Variants in SYNDIG1 observed in about 807,000 individuals in gnomAD.
SYNDIG1 encodes synapse differentiation-inducing gene protein 1.
In SYNDIG1, 9 loss-of-function variants were observed where a neutral mutation model predicts 19.4. The observed-to-expected ratio is 0.46, with a 90% CI of 0.28 to 0.81. The LOEUF (loss-of-function observed/expected upper bound fraction) is 0.81, where lower values mean the gene tolerates loss of function less well. Ranked by LOEUF, SYNDIG1 falls within the 30% of genes least tolerant of loss-of-function variation. The probability of loss-of-function intolerance (pLI) is 0.12; values close to 1 mark genes in which losing one functional copy is unlikely to be tolerated. For synonymous variants in SYNDIG1, 141 were observed against 145.9 expected (o/e 0.97, Z 0.24); for missense variants, 311 against 343.3 (o/e 0.91, Z 0.74).
intron 1 of SYNDIG1, among the ~76,000 whole-genome samples, chr20:24,510,576 A>T (rs2056719521): frequency 6.6e-6 from 1 of 151,926 alleles, no homozygotes; most frequent in African/African-American, 2.4e-5. Context: ...TCTCAAAAAA[A>T]AAAAAAAAAG....
chr20:24,633,367 G>A (rs1462934677), intron 3 of SYNDIG1, among the ~76,000 whole-genome samples: 1 of 152,218 alleles, frequency 6.6e-6, no homozygotes, highest in Non-Finnish European at 1.5e-5. Context: ...TGGAGTGCGT[G>A]ATGCCCCTGC....
intron 1 of SYNDIG1, among the ~76,000 whole-genome samples, chr20:24,515,509 T>G (rs2146496496): frequency 6.6e-6 from 1 of 152,138 alleles, no homozygotes; most frequent in Non-Finnish European, 1.5e-5. Flanking sequence ...ACAAAATCAA[T>G]GTGCAAAAAT....
intron 2 of SYNDIG1, 97 bp from the exon 3 acceptor site, chr20:24,584,759 T>G: frequency 6.4e-7 from 1 of 1,561,412 alleles, no homozygotes; most frequent in Non-Finnish European, 8.7e-7. Flanking sequence ...GGGGAGGGCC[T>G]GCGCCAGCCA....
intron 1 of SYNDIG1, among the ~76,000 whole-genome samples, chr20:24,529,269 T>C (rs1404174095): frequency 1.3e-5 from 2 of 152,154 alleles, no homozygotes; most frequent in African/African-American, 4.8e-5. Flanking sequence ...ATGGTACTGG[T>C]GACATTACTT....
chr20:24,620,340 A>C (rs562778278), intron 3 of SYNDIG1, among the ~76,000 whole-genome samples: 1 of 152,258 alleles, frequency 6.6e-6, no homozygotes, highest in South Asian at 2.1e-4. Context: ...GGAAGACCCA[A>C]GGCTGGGGGG....
chr20:24,592,106 A>G (rs1383347703), intron 3 of SYNDIG1, among the ~76,000 whole-genome samples: 1 of 152,188 alleles, frequency 6.6e-6, no homozygotes, highest in Non-Finnish European at 1.5e-5. Flanking sequence ...TACTAAAGGT[A>G]TTTATTATTT....
At chr20:24,558,084 G>T (rs2057862757) in intron 2 of SYNDIG1, among the ~76,000 whole-genome samples, 1 of 152,220 alleles carries the variant, frequency 6.6e-6, no homozygotes, top group African/African-American at 2.4e-5. Context: ...GGACAAGGAA[G>T]CAATCGTGAT....
intron 1 of SYNDIG1, among the ~76,000 whole-genome samples, chr20:24,505,275 C>T (rs998204000): frequency 7.2e-5 from 11 of 152,244 alleles, no homozygotes; most frequent in Admixed American, 7.2e-4. Flanking sequence ...GGGTGCGCAG[C>T]CAGGGGAGCC....
At chr20:24,587,742 A>G (rs2058441029) in intron 3 of SYNDIG1, among the ~76,000 whole-genome samples, 1 of 152,188 alleles carries the variant, frequency 6.6e-6, no homozygotes. Context: ...TGTTGGGTCA[A>G]GGGGATGATG....
At chr20:24,518,177 G>A (rs902010694) in intron 1 of SYNDIG1, among the ~76,000 whole-genome samples, 4 of 152,048 alleles carry the variant, frequency 2.6e-5, no homozygotes, top group Admixed American at 2.0e-4. Flanking sequence ...AGCTGCTGCA[G>A]CAAGAAAATG....
chr20:24,475,023 C>T (rs1485971248), intron 1 of SYNDIG1, among the ~76,000 whole-genome samples: 1 of 152,216 alleles, frequency 6.6e-6, no homozygotes, highest in Admixed American at 6.5e-5. Context: ...GAACCACCCC[C>T]CATGCCCCCA....
chr20:24,533,963 G>A (rs543479678), intron 1 of SYNDIG1, among the ~76,000 whole-genome samples: 7 of 152,252 alleles, frequency 4.6e-5, no homozygotes, highest in South Asian at 2.1e-4. Context: ...GTACAGGCAC[G>A]GCACTGGCAT....
intron 1 of SYNDIG1, among the ~76,000 whole-genome samples, chr20:24,475,307 T>G (rs2055587238): frequency 1.3e-5 from 2 of 152,264 alleles, no homozygotes; most frequent in Non-Finnish European, 2.9e-5. Context: ...CAACTCATCC[T>G]ACAAAAGATT....
chr20:24,592,948 T>A (rs1225770685), intron 3 of SYNDIG1, among the ~76,000 whole-genome samples: 2 of 152,164 alleles, frequency 1.3e-5, no homozygotes, highest in Non-Finnish European at 2.9e-5. Context: ...CAAGTTGATT[T>A]GCCCATGGAA....
chr20:24,500,149 A>G (rs906609633), intron 1 of SYNDIG1, among the ~76,000 whole-genome samples: 3 of 151,678 alleles, frequency 2.0e-5, no homozygotes, highest in African/African-American at 7.3e-5. Flanking sequence ...AAGCACCAGA[A>G]CTTGCTAGCA....
chr20:24,565,601 G>A (rs1159358713), intron 2 of SYNDIG1, among the ~76,000 whole-genome samples: 4 of 152,308 alleles, frequency 2.6e-5, no homozygotes, highest in East Asian at 1.9e-4. Context: ...GGGAAAGCAA[G>A]CCACTAGGAC....
At chr20:24,598,032 C>G (rs2058623027) in intron 3 of SYNDIG1, among the ~76,000 whole-genome samples, 1 of 152,128 alleles carries the variant, frequency 6.6e-6, no homozygotes, top group Admixed American at 6.5e-5. Context: ...AATTGGAACC[C>G]AGGTTAAAGA....
intron 3 of SYNDIG1, among the ~76,000 whole-genome samples, chr20:24,613,060 G>T (rs530683054): frequency 1.2e-3 from 189 of 152,232 alleles, no homozygotes; most frequent in Non-Finnish European, 2.2e-3. Context: ...TGAAGGCAGG[G>T]TGTCAGAGCA....
intron 1 of SYNDIG1, among the ~76,000 whole-genome samples, chr20:24,493,818 C>T (rs926407153): frequency 6.6e-5 from 10 of 152,178 alleles, no homozygotes; most frequent in Non-Finnish European, 1.5e-4. Context: ...GGAGGCATGG[C>T]CGGGTGCTGG....
Sources: gnomAD v4.1 joint callset for allele counts (sites outside exome capture counted in the v4.1 genomes callset) on GRCh38, gnomAD v4.1.1 for gene constraint, MANE v1.5 for transcripts, NCBI Gene and HGNC (gene_info 2026-07-23, HGNC 2026-07-21) for gene names.